CYB5R4: variants seen among roughly 807,000 people sequenced by gnomAD.
CYB5R4 encodes N-terminal cytochrome b5 and cytochrome b5 oxidoreductase domain-containing protein.
A neutral mutation model predicts 70.2 loss-of-function variants in CYB5R4; 55 were observed. The observed-to-expected ratio is 0.78, with a 90% CI of 0.63 to 0.98. The LOEUF is 0.98. Ranked by LOEUF, CYB5R4 falls within the 50% of genes least tolerant of loss-of-function variation. CYB5R4 has a pLI of 0.00. For synonymous variants in CYB5R4, 197 were observed against 199.5 expected, an observed-to-expected ratio of 0.99 and a Z score of 0.11; for missense variants, 562 against 612.6, an observed-to-expected ratio of 0.92 and a Z score of 0.87.
intron 3 of CYB5R4, among the ~76,000 whole-genome samples, chr6:83,896,330 T>A (rs1167140279): frequency 6.6e-6 from 1 of 152,206 alleles, no homozygotes; most frequent in East Asian, 1.9e-4. Flanking sequence ...TCTCAGTGGC[T>A]CACCCCTGAC....
At chr6:83,901,893 T>C (rs1333503956) in intron 3 of CYB5R4, among the ~76,000 whole-genome samples, 1 of 151,962 alleles carries the variant, frequency 6.6e-6, no homozygotes, top group African/African-American at 2.4e-5. Context: ...TTTTTTTTTA[T>C]GGTTGGGTTC....
chr6:83,936,490 A>G, intron 12 of CYB5R4, 114 bp downstream of exon 12: 1 of 881,746 alleles, frequency 1.1e-6, no homozygotes, highest in Non-Finnish European at 1.7e-6. Flanking sequence ...CATGTCTACA[A>G]CCAAAGTTAT....
intron 2 of CYB5R4, among the ~76,000 whole-genome samples, chr6:83,873,549 C>G (rs376033308): frequency 3.9e-5 from 6 of 152,182 alleles, no homozygotes; most frequent in African/African-American, 1.2e-4. Flanking sequence ...CAGTTTTTAT[C>G]TTTAGTAATT....
At chr6:83,958,756 C>T (rs2099472848) in intron 15 of CYB5R4, among the ~76,000 whole-genome samples, 1 of 152,174 alleles carries the variant, frequency 6.6e-6, no homozygotes, top group Non-Finnish European at 1.5e-5. Flanking sequence ...CTACCACTTA[C>T]AAGCATCTTA....
chr6:83,931,716 AAGTGGACAGTTAGAT>A (rs1358226066), intron 10 of CYB5R4, among the ~76,000 whole-genome samples: 9 of 151,726 alleles, frequency 5.9e-5, no homozygotes, highest in Non-Finnish European at 8.8e-5. Flanking sequence ...GAAAGCCAAA[AAGTGGACAGTTAGAT>A]AATGGCATTG....
intron 2 of CYB5R4, among the ~76,000 whole-genome samples, chr6:83,877,175 C>G (rs2099458695): frequency 6.6e-6 from 1 of 152,152 alleles, no homozygotes; most frequent in Non-Finnish European, 1.5e-5. Context: ...TATGAATTCC[C>G]TCACTTTTTT....
At chr6:83,959,729 T>G in intron 15 of CYB5R4, 95 bp from the exon 16 acceptor site, 1 of 1,098,220 alleles carries the variant, frequency 9.1e-7, no homozygotes, top group Non-Finnish European at 1.3e-6. Context: ...ATGGGGAAAA[T>G]GAAAAAGTAT....
intron 15 of CYB5R4, among the ~76,000 whole-genome samples, chr6:83,955,954 A>G (rs570399685): frequency 6.6e-6 from 1 of 152,336 alleles, no homozygotes; most frequent in South Asian, 2.1e-4. Context: ...TGAAGCATGG[A>G]TCATGAAAAA....
intron 3 of CYB5R4, among the ~76,000 whole-genome samples, chr6:83,900,988 G>A (rs1482656098): frequency 6.6e-6 from 1 of 152,230 alleles, no homozygotes; most frequent in Non-Finnish European, 1.5e-5. Flanking sequence ...ATATTGTTAT[G>A]TGTGAATTTG....
At chr6:83,901,810 T>G (rs2129136287) in intron 3 of CYB5R4, among the ~76,000 whole-genome samples, 1 of 152,290 alleles carries the variant, frequency 6.6e-6, no homozygotes, top group South Asian at 2.1e-4. Context: ...TTTTTTCATG[T>G]ACTCATCAAC....
intron 1 of CYB5R4, among the ~76,000 whole-genome samples, chr6:83,862,644 G>T (rs1486890254): frequency 1.3e-5 from 2 of 152,184 alleles, no homozygotes; most frequent in Admixed American, 1.3e-4. Flanking sequence ...AGATTGTGAA[G>T]ACCTGGTAAA....
At chr6:83,951,442 A>G (rs947451316) in intron 14 of CYB5R4, among the ~76,000 whole-genome samples, 1 of 151,922 alleles carries the variant, frequency 6.6e-6, no homozygotes, top group African/African-American at 2.4e-5. Flanking sequence ...CTGCCCCTCC[A>G]CCGCCCAACA....
chr6:83,884,645 G>T (rs531910105), intron 2 of CYB5R4, among the ~76,000 whole-genome samples: 10 of 152,210 alleles, frequency 6.6e-5, no homozygotes, highest in Admixed American at 5.2e-4. Context: ...CTGAACACAA[G>T]ATGGCAAAGT....
intron 2 of CYB5R4, among the ~76,000 whole-genome samples, chr6:83,884,828 T>G (rs9353149): frequency 0.24 from 36,835 of 152,092 alleles, 8,044 homozygotes; most frequent in African/African-American, 0.58. Flanking sequence ...GTATATACGT[T>G]ATAGGCATTA....
intron 2 of CYB5R4, among the ~76,000 whole-genome samples, chr6:83,867,691 G>T (rs143618270): frequency 9.2e-5 from 14 of 152,322 alleles, no homozygotes; most frequent in Admixed American, 1.3e-4. Flanking sequence ...ATGTGTAAGG[G>T]AAATGGCTGT....
rs1446196441 is a variant in CYB5R4, at chr6:83,922,621, T to G, written c.691+151T>G. ...AAAACAAAGATGTGATGTTTTCTCT[T>G]TTTTTTTTAAACTTTTAAGTTCTGG... On this transcript the variant is annotated intron_variant, in intron 9 of 15. Coordinates refer to ENST00000369681, the MANE Select transcript of CYB5R4 (RefSeq NM_016230.4). 10 of 609,178 alleles carry G rather than the reference T, an allele frequency of 1.6e-5. No homozygotes were observed. The African/African-American group carries it at 1.9e-4, about 12-fold the overall frequency. The allele number at this position is 609,178 out of a possible 1,614,324, so 37.7% of individuals were successfully genotyped here.
intron 11 of CYB5R4, among the ~76,000 whole-genome samples, chr6:83,935,196 G>A (rs1267935347): frequency 6.6e-6 from 1 of 152,126 alleles, no homozygotes; most frequent in East Asian, 1.9e-4. Context: ...CTCTATAAAT[G>A]TATAAATATG....
chr6:83,877,432 T>C (rs2099458745), intron 2 of CYB5R4, among the ~76,000 whole-genome samples: 1 of 152,082 alleles, frequency 6.6e-6, no homozygotes, highest in Non-Finnish European at 1.5e-5. Flanking sequence ...TGACTCGTGA[T>C]TCTTGATGGC....
intron 3 of CYB5R4, among the ~76,000 whole-genome samples, chr6:83,906,402 CA>C (rs1202346272): frequency 2.0e-5 from 3 of 152,144 alleles, no homozygotes; most frequent in Admixed American, 1.3e-4. Context: ...GCTTAGGTCT[CA>C]GGGGGCTTGT....
Sources: gnomAD v4.1 joint callset for allele counts (sites outside exome capture counted in the v4.1 genomes callset) on GRCh38, gnomAD v4.1.1 for gene constraint, MANE v1.5 for transcripts, NCBI Gene and HGNC (gene_info 2026-07-23, HGNC 2026-07-21) for gene names.